SCHIP1: variants seen among roughly 807,000 people sequenced by gnomAD.
SCHIP1 encodes the protein schwannomin interacting protein 1.
A neutral mutation model predicts 29.7 loss-of-function variants in SCHIP1; 8 were observed. The ratio of observed to expected loss-of-function variants is 0.27; its 90% CI spans 0.16 to 0.49. SCHIP1 has a LOEUF of 0.49. Ranked by LOEUF, SCHIP1 falls within the 20% of genes least tolerant of loss-of-function variation. The pLI is 0.99. For synonymous variants in SCHIP1, 76 were observed against 94.9 expected, an observed-to-expected ratio of 0.80 and a Z score of 1.16; for missense variants, 193 against 294.6, an observed-to-expected ratio of 0.66 and a Z score of 2.52.
chr3:159,764,559 T>G, the SCHIP1 span: 1 of 1,602,164 alleles, frequency 6.2e-7, no homozygotes, highest in Admixed American at 1.7e-5. This position sits in a 1 kb window ranked among gnomAD's most constrained non-coding sequence, Gnocchi z 6.1. Context: ...AGTGCAAATC[T>G]TCATCGTCGC....
chr3:159,297,248 T>A, the SCHIP1 span, among the ~76,000 whole-genome samples: 1 of 152,052 alleles, frequency 6.6e-6, no homozygotes, highest in East Asian at 1.9e-4. Context: ...CGAATAATGC[T>A]GCAGTGAACA....
the SCHIP1 span, among the ~76,000 whole-genome samples, chr3:159,321,901 A>G: frequency 6.6e-6 from 1 of 152,260 alleles, no homozygotes; most frequent in African/African-American, 2.4e-5. Flanking sequence ...TTATTTCAAA[A>G]TTATATTACT....
the SCHIP1 span, among the ~76,000 whole-genome samples, chr3:159,824,575 G>C: frequency 6.6e-6 from 1 of 152,184 alleles, no homozygotes; most frequent in Non-Finnish European, 1.5e-5. Flanking sequence ...GGCCAGACCT[G>C]TACTCTATGT....
the SCHIP1 span, among the ~76,000 whole-genome samples, chr3:159,457,018 A>G: frequency 2.0e-5 from 3 of 152,206 alleles, no homozygotes; most frequent in African/African-American, 7.2e-5. Context: ...TACTATAATT[A>G]TAATTTGGAA....
the SCHIP1 span, among the ~76,000 whole-genome samples, chr3:159,725,892 T>G: frequency 6.6e-6 from 1 of 152,176 alleles, no homozygotes; most frequent in South Asian, 2.1e-4. Flanking sequence ...TAGAATAAAA[T>G]TTTGTAAAAG....
At chr3:159,826,053 G>A in the SCHIP1 span, among the ~76,000 whole-genome samples, 1 of 152,026 alleles carries the variant, frequency 6.6e-6, no homozygotes, top group Non-Finnish European at 1.5e-5. Context: ...ACATAATGCT[G>A]GATAACAGCA....
upstream of SCHIP1, among the ~76,000 whole-genome samples, chr3:159,835,266 A>G (rs1353584166): frequency 6.6e-6 from 1 of 152,224 alleles, no homozygotes; most frequent in Admixed American, 6.5e-5. Flanking sequence ...TATAGTGGTA[A>G]AAAGTCATAT....
the SCHIP1 span, among the ~76,000 whole-genome samples, chr3:159,804,206 CTT>C: frequency 2.7e-4 from 41 of 152,252 alleles, no homozygotes; most frequent in African/African-American, 9.6e-4. Context: ...AAATCCCACT[CTT>C]TTAGAGCTCT....
chr3:159,840,104 G>T (rs1286517189), exon 1 of SCHIP1: 1 of 1,528,040 alleles, frequency 6.5e-7, no homozygotes, highest in Admixed American at 2.0e-5. Flanking sequence ...CTCTCCGCCC[G>T]CCGGTGGATG....
chr3:159,421,720 T>C, the SCHIP1 span, among the ~76,000 whole-genome samples: 4 of 152,218 alleles, frequency 2.6e-5, no homozygotes, highest in Non-Finnish European at 5.9e-5. Context: ...TCTTCACCAC[T>C]GGAGTTTGGG....
chr3:159,584,890 C>T, the SCHIP1 span, among the ~76,000 whole-genome samples: 1 of 152,056 alleles, frequency 6.6e-6, no homozygotes, highest in Non-Finnish European at 1.5e-5. Flanking sequence ...ACCACACTGA[C>T]CTCCTTGTAA....
the SCHIP1 span, among the ~76,000 whole-genome samples, chr3:159,495,323 G>C: frequency 3.9e-5 from 6 of 152,188 alleles, no homozygotes; most frequent in Non-Finnish European, 7.3e-5. Flanking sequence ...AATTGTCCCT[G>C]TTTGCAGATG....
the SCHIP1 span, among the ~76,000 whole-genome samples, chr3:159,653,830 A>T: frequency 6.6e-6 from 1 of 151,976 alleles, no homozygotes; most frequent in East Asian, 1.9e-4. Context: ...CAAAAGAGGT[A>T]GAAGAGAATA....
the SCHIP1 span, chr3:159,273,569 T>C: frequency 8.0e-7 from 1 of 1,255,570 alleles, no homozygotes. Flanking sequence ...ATCAGCAAAC[T>C]TCATCTCCCA....
At chr3:159,665,059 G>T in the SCHIP1 span, among the ~76,000 whole-genome samples, 1 of 152,230 alleles carries the variant, frequency 6.6e-6, no homozygotes, top group Non-Finnish European at 1.5e-5. Flanking sequence ...ATCACCGGGG[G>T]GACTTTGAAT....
At chr3:159,274,983 C>T in the SCHIP1 span, 1 of 983,156 alleles carries the variant, frequency 1.0e-6, no homozygotes, top group Non-Finnish European at 1.2e-6. Flanking sequence ...GGATAATTTC[C>T]AAGTGAATTA....
chr3:159,840,304 T>C, intron 1 of SCHIP1: 1 of 1,173,654 alleles, frequency 8.5e-7, no homozygotes, highest in Non-Finnish European at 1.2e-6. Flanking sequence ...TTTCCGGATA[T>C]TCAGGGATTT....
At chr3:159,538,074 C>A in the SCHIP1 span, among the ~76,000 whole-genome samples, 1 of 152,140 alleles carries the variant, frequency 6.6e-6, no homozygotes. Context: ...ACCACGAAAG[C>A]AGAGCACATC....
chr3:159,602,547 A>G, the SCHIP1 span, among the ~76,000 whole-genome samples: 2 of 152,046 alleles, frequency 1.3e-5, no homozygotes, highest in African/African-American at 2.4e-5. Context: ...CGTCTCTACT[A>G]AAAATACAAA....
Sources: allele counts gnomAD v4.1 joint callset (sites outside exome capture counted in the v4.1 genomes callset), GRCh38; gene constraint gnomAD v4.1.1; non-coding constraint Gnocchi (gnomAD v3.1); transcripts MANE v1.5; gene names NCBI Gene and HGNC (gene_info 2026-07-23, HGNC 2026-07-21).